Variants in RIN3 observed in about 807,000 individuals in gnomAD.
The protein encoded by RIN3 is Ras and Rab interactor 3, also known as RAB5 interacting protein 3.
In RIN3, 54 loss-of-function variants were observed where a neutral mutation model predicts 76.3. That is an observed-to-expected ratio of 0.71 (90% confidence interval 0.57 to 0.89). The LOEUF is 0.89. Ranked by LOEUF, RIN3 falls within the 40% of genes least tolerant of loss-of-function variation. RIN3 has a pLI of 0.00. For synonymous variants in RIN3, 576 were observed against 564.0 expected (o/e 1.02, Z -0.30); for missense variants, 1,256 against 1,322.1 (o/e 0.95, Z 0.78).
At chr14:92,629,729 A>G (rs1006216042) in intron 4 of RIN3, among the ~76,000 whole-genome samples, 5 of 152,232 alleles carry the variant, frequency 3.3e-5, no homozygotes, top group African/African-American at 4.8e-5. Context: ...AATTTTGCGA[A>G]CAATTTCAGG....
intron 3 of RIN3, among the ~76,000 whole-genome samples, chr14:92,600,890 C>G (rs1885320476): frequency 6.6e-6 from 1 of 152,200 alleles, no homozygotes; most frequent in Admixed American, 6.5e-5. Context: ...TTGTAACAAT[C>G]AAAAGTATCT....
intron 3 of RIN3, among the ~76,000 whole-genome samples, chr14:92,594,459 A>G (rs1018938010): frequency 6.6e-6 from 1 of 151,908 alleles, no homozygotes; most frequent in Non-Finnish European, 1.5e-5. Flanking sequence ...AATTGTAATC[A>G]TACAATGTCT....
chr14:92,688,325 G>C lies in RIN3; in HGVS notation c.*73G>C, dbSNP rs923587213. 8.1e-6 allele frequency: 11 copies of C among 1,366,016 alleles called. No homozygotes were observed. In the African/African-American group the frequency reaches 1.6e-4, roughly 20 times the overall value. 84.6% of individuals were successfully genotyped at this position (1,366,016 alleles called of 1,614,324 possible). A position where few individuals can be genotyped will look rare whatever the true frequency, so the allele number is the denominator to read the frequency against. On this transcript the variant is annotated 3_prime_UTR_variant, in exon 10 of 10. Transcript: ENST00000216487. Reference sequence around the variant, plus strand: ...CGCCTCTGGCTGCGCACTCCCGACCGCGACGTCCACGCAGCAGAGGGACAT... The same window carrying C: ...CGCCTCTGGCTGCGCACTCCCGACCCCGACGTCCACGCAGCAGAGGGACAT...
intron 8 of RIN3, among the ~76,000 whole-genome samples, chr14:92,678,533 CA>C (rs1411785321): frequency 6.8e-6 from 1 of 146,188 alleles, no homozygotes; most frequent in Non-Finnish European, 1.5e-5. Flanking sequence ...TCCACCCACC[CA>C]CATATTCACT....
intron 1 of RIN3, among the ~76,000 whole-genome samples, chr14:92,553,677 C>T (rs1897498644): frequency 6.6e-6 from 1 of 152,104 alleles, no homozygotes; most frequent in Admixed American, 6.5e-5. Context: ...CGGGAGCACA[C>T]ACAACATTCG....
At chr14:92,576,422 C>A (rs1898234373) in intron 2 of RIN3, 2 of 1,287,746 alleles carry the variant, frequency 1.6e-6, no homozygotes, top group South Asian at 2.5e-5. Context: ...GTCCTCACAG[C>A]CTAGAGCCAT....
At chr14:92,583,822 C>T (rs1003390286) in intron 3 of RIN3, among the ~76,000 whole-genome samples, 15 of 152,200 alleles carry the variant, frequency 9.9e-5, no homozygotes, top group African/African-American at 3.6e-4. Context: ...GGGATGGTTT[C>T]TGGGTGAAAC....
chr14:92,576,826 G>A (rs1281812311), intron 2 of RIN3, among the ~76,000 whole-genome samples: 1 of 152,174 alleles, frequency 6.6e-6, no homozygotes, highest in Non-Finnish European at 1.5e-5. Context: ...TCTATATTAA[G>A]TATTAGCTAT....
intron 4 of RIN3, among the ~76,000 whole-genome samples, chr14:92,618,359 G>A (rs1048568914): frequency 5.3e-5 from 8 of 152,132 alleles, no homozygotes; most frequent in African/African-American, 1.9e-4. Flanking sequence ...CTTCTGGGGA[G>A]AAACACCCCT....
intron 3 of RIN3, among the ~76,000 whole-genome samples, chr14:92,608,352 T>G (rs1885603254): frequency 6.6e-6 from 1 of 152,192 alleles, no homozygotes; most frequent in Non-Finnish European, 1.5e-5. Context: ...AAATAAACCA[T>G]TTTATGAATA....
intron 3 of RIN3, among the ~76,000 whole-genome samples, chr14:92,596,663 T>C (rs1885158017): frequency 6.6e-6 from 1 of 152,256 alleles, no homozygotes; most frequent in African/African-American, 2.4e-5. Flanking sequence ...GGAATTACCC[T>C]TGGAGTCTGA....
chr14:92,612,636 C>G (rs1885787420), intron 3 of RIN3, among the ~76,000 whole-genome samples: 1 of 152,240 alleles, frequency 6.6e-6, no homozygotes, highest in Non-Finnish European at 1.5e-5. Context: ...CATGCAGGGT[C>G]TCCCCGTGTG....
chr14:92,580,800 G>A (rs1898410141), intron 3 of RIN3, among the ~76,000 whole-genome samples: 1 of 152,220 alleles, frequency 6.6e-6, no homozygotes, highest in Non-Finnish European at 1.5e-5. Flanking sequence ...GCCTAGGAGT[G>A]GGTGTGTCAC....
intron 3 of RIN3, among the ~76,000 whole-genome samples, chr14:92,613,240 G>C (rs74072987): frequency 0.031 from 4,682 of 152,160 alleles, 255 homozygotes; most frequent in African/African-American, 0.11. Context: ...CCACACCTGT[G>C]CTGCCCCTTG....
intron 8 of RIN3, among the ~76,000 whole-genome samples, chr14:92,680,940 CCT>C (rs1000188754): frequency 8.6e-5 from 13 of 151,770 alleles, no homozygotes; most frequent in African/African-American, 2.9e-4. Context: ...CCCTTTCTAG[CCT>C]CTCTCTTGTG....
At position 92,576,531 on chromosome 14, in the gene RIN3, C is replaced by A. The variant is rs76990347; in HGVS notation, c.250-829C>A. The A allele has an allele frequency of 1.1e-3, 689 of 653,912 alleles. 6 individuals carry two copies. In the East Asian group the frequency reaches 0.018, roughly 17 times the overall value. The allele number at this position is 653,912 out of a possible 1,614,324, so 40.5% of individuals were successfully genotyped here. ...GGCCTCATGGCATGGAGGTCCCAAGCGTTGACACCAGTGTCCGGGGGCCGA... is the reference window on the plus strand; with the variant it reads ...GGCCTCATGGCATGGAGGTCCCAAGAGTTGACACCAGTGTCCGGGGGCCGA... On this transcript the variant is annotated intron_variant, in intron 2 of 9. Coordinates refer to ENST00000216487, the MANE Select transcript of RIN3 (RefSeq NM_024832.5).
rs140963181 is a variant in RIN3, at chr14:92,680,286, G to A, written c.2467+3680G>A. Among the ~76,000 whole-genome samples, 649 of 149,554 alleles carry A rather than the reference G, an allele frequency of 4.3e-3. 9 individuals are homozygous for A. Among genetic ancestry groups the A allele is most frequent in the African/African-American group, 0.015 (611 of 40,264 alleles). On this transcript the variant is annotated intron_variant, in intron 8 of 9. Coordinates refer to ENST00000216487, the MANE Select transcript of RIN3 (RefSeq NM_024832.5). ...ATGATCTTGGCCCACTGCAACCTCC[G>A]CCTCCCAGGTTCAAGCAATTCACCT...
intron 1 of RIN3, among the ~76,000 whole-genome samples, chr14:92,547,049 TAA>T (rs1410098682): frequency 8.1e-6 from 1 of 123,284 alleles, no homozygotes; most frequent in African/African-American, 2.8e-5. Flanking sequence ...TATTTTATTA[TAA>T]TAAAATAAAT....
In RIN3 at chr14:92,685,069, T is replaced by C. The variant is rs1437341986; in HGVS notation, c.2550T>C (p.Ser850=). The C allele has an allele frequency of 1.2e-6, 2 of 1,613,898 alleles. No homozygotes were observed. The highest frequency in any genetic ancestry group is 1.7e-6 in the Non-Finnish European group (2 of 1,179,960). Residue 850 remains serine, a synonymous_variant, in exon 9 of 10, where the codon AGT becomes AGC. Transcript: ENST00000216487. The surrounding 1 kb of genome is among the most constrained non-coding windows in gnomAD (Gnocchi z 4.7). ...YDKITVTRQL[S]VEVQDSIHRW... is the part of the protein sequence containing the mutation. ...AGATCACGGTGACCCGGCAGCTGAG[T>C]GTGGAGGTGCAGGACTCCATCCACC...
Sources: gnomAD v4.1 joint callset for allele counts (sites outside exome capture counted in the v4.1 genomes callset) on GRCh38, gnomAD v4.1.1 for gene constraint, Gnocchi (gnomAD v3.1) non-coding constraint, MANE v1.5 for transcripts, NCBI Gene and HGNC (gene_info 2026-07-23, HGNC 2026-07-21) for gene names.